SCAPER: variants seen among roughly 807,000 people sequenced by gnomAD.
SCAPER encodes S phase cyclin A-associated protein in the endoplasmic reticulum.
In SCAPER, 98 loss-of-function variants were observed where a neutral mutation model predicts 182.2. That is an observed-to-expected ratio of 0.54 (90% CI 0.46 to 0.64). The LOEUF (loss-of-function observed/expected upper bound fraction) is 0.64, where lower values mean the gene tolerates loss of function less well. Ranked by LOEUF, SCAPER falls within the 30% of genes least tolerant of loss-of-function variation. The pLI is 0.00. For missense variants in SCAPER, 1,432 were observed against 1,690.0 expected (o/e 0.85, Z 2.68); for synonymous variants, 605 against 564.6 (o/e 1.07, Z -1.01).
chr15:76,763,140 G>A (rs951248918), intron 14 of SCAPER, among the ~76,000 whole-genome samples: 7 of 152,026 alleles, frequency 4.6e-5, no homozygotes, highest in Non-Finnish European at 1.0e-4. Context: ...TTCTTCTCAG[G>A]CAAGCCTAGT....
intron 29 of SCAPER, among the ~76,000 whole-genome samples, chr15:76,357,920 C>T (rs1458355087): frequency 1.3e-5 from 2 of 151,958 alleles, no homozygotes; most frequent in African/African-American, 4.8e-5. Context: ...AGTGAAAGAA[C>T]AGAAATGGGA....
intron 1 of SCAPER, among the ~76,000 whole-genome samples, chr15:76,885,463 C>T (rs1406618460): frequency 6.6e-6 from 1 of 152,170 alleles, no homozygotes; most frequent in Non-Finnish European, 1.5e-5. Flanking sequence ...CTCAATGAGG[C>T]CTTCCCATAT....
intron 22 of SCAPER, among the ~76,000 whole-genome samples, chr15:76,590,054 C>A (rs2048990973): frequency 2.6e-5 from 4 of 152,196 alleles, no homozygotes; most frequent in Admixed American, 2.6e-4. Flanking sequence ...ATCGTAGGAG[C>A]AATCCACTTC....
intron 29 of SCAPER, among the ~76,000 whole-genome samples, chr15:76,367,402 G>A (rs1358374042): frequency 6.6e-6 from 1 of 152,188 alleles, no homozygotes; most frequent in African/African-American, 2.4e-5. Flanking sequence ...CTCCATGGCT[G>A]AAGACCAAGG....
intron 27 of SCAPER, 139 bp downstream of exon 27, chr15:76,404,385 A>C (rs892301041): frequency 2.0e-5 from 16 of 789,032 alleles, no homozygotes; most frequent in Non-Finnish European, 2.9e-5. Flanking sequence ...CAATATAGAA[A>C]GCCAATGATG....
At chr15:76,472,435 G>T (rs1029287944) in intron 24 of SCAPER, 2 of 576,572 alleles carry the variant, frequency 3.5e-6, no homozygotes, top group Non-Finnish European at 6.4e-6. Flanking sequence ...TTTTTACGAA[G>T]TTTTATAAAA....
At chr15:76,351,990 A>G (rs1399241709) in intron 30 of SCAPER, among the ~76,000 whole-genome samples, 3 of 152,246 alleles carry the variant, frequency 2.0e-5, no homozygotes, top group Non-Finnish European at 4.4e-5. Context: ...TTTGTGATCA[A>G]TATCAGATAA....
chr15:76,542,656 G>A lies in SCAPER; in HGVS notation c.2838+31502C>T, dbSNP rs923636170. Among the ~76,000 whole-genome samples the A allele has an allele frequency of 3.9e-5, 6 of 152,144 alleles. 1 individual carries two copies. The highest frequency in any genetic ancestry group is 1.4e-4 in the African/African-American group (6 of 41,558). On this transcript the variant is annotated intron_variant, in intron 23 of 31. Coordinates refer to ENST00000563290, the MANE Select transcript of SCAPER (RefSeq NM_020843.4). The stretch of plus-strand genomic sequence containing the variant: ...AACCTTCCTTAAAAAGAGAGGTGTA[G>A]GTACAGCTTAGCTTATTAAAGAAAA...
In SCAPER at chr15:76,837,090, C is replaced by T. The variant is rs140636004; in HGVS notation, c.393+4644G>A. Among the ~76,000 whole-genome samples, 133 of 152,124 alleles carry T rather than the reference C, an allele frequency of 8.7e-4. 3 individuals carry two copies. The East Asian group carries it at 0.025, about 29-fold the overall frequency. ...TCTGTACAGCAAAAGAAACAATTAA[C>T]AAAGTAAACAGACAACCCACAAGAT... is the stretch of plus-strand genomic sequence containing the variant. On this transcript the variant is annotated intron_variant, in intron 5 of 31. Coordinates refer to ENST00000563290, the MANE Select transcript of SCAPER (RefSeq NM_020843.4).
In SCAPER at chr15:76,424,522, G is replaced by T. The variant is rs889860445; in HGVS notation, c.3311+9556C>A. Among the ~76,000 whole-genome samples the T allele has an allele frequency of 1.5e-4, 23 of 152,146 alleles. 1 individual carries two copies. The highest frequency in any genetic ancestry group is 1.4e-3 in the Admixed American group (22 of 15,268). On this transcript the variant is annotated intron_variant, in intron 26 of 31. Transcript: ENST00000563290. Reference sequence around the variant, plus strand: ...TGAGCCTATGTGTGTCTCTGCACGTGAGATGGGTCTACTGAATACAGCACA... The same window carrying T: ...TGAGCCTATGTGTGTCTCTGCACGTTAGATGGGTCTACTGAATACAGCACA...
At chr15:76,497,099 T>C (rs2040621181) in intron 24 of SCAPER, among the ~76,000 whole-genome samples, 1 of 117,616 alleles carries the variant, frequency 8.5e-6, no homozygotes. Flanking sequence ...TGAAGCAGTT[T>C]TGGTCTCCTC....
At chr15:76,626,488 G>A (rs995960806) in intron 21 of SCAPER, among the ~76,000 whole-genome samples, 4 of 152,066 alleles carry the variant, frequency 2.6e-5, no homozygotes, top group Non-Finnish European at 4.4e-5. Context: ...AGGCTGAGGC[G>A]GGTGGATCAC....
intron 16 of SCAPER, among the ~76,000 whole-genome samples, chr15:76,729,269 T>C (rs1387185156): frequency 5.8e-5 from 8 of 139,092 alleles, no homozygotes; most frequent in Admixed American, 7.2e-5. Context: ...TATATATATA[T>C]ACACACACAC....
intron 20 of SCAPER, among the ~76,000 whole-genome samples, chr15:76,681,855 T>C (rs945484881): frequency 2.0e-5 from 3 of 152,150 alleles, no homozygotes; most frequent in African/African-American, 4.8e-5. Context: ...ACGTCTGCAG[T>C]AGAGCCTGGC....
intron 1 of SCAPER, among the ~76,000 whole-genome samples, chr15:76,887,736 AC>A (rs1295873238): frequency 6.6e-6 from 1 of 152,248 alleles, no homozygotes; most frequent in African/African-American, 2.4e-5. Context: ...GCATAGCTGA[AC>A]AAAAAGCAGC....
chr15:76,493,967 C>T (rs1400868058), intron 24 of SCAPER, among the ~76,000 whole-genome samples: 1 of 152,114 alleles, frequency 6.6e-6, no homozygotes, highest in Non-Finnish European at 1.5e-5. Flanking sequence ...TAATTATTCA[C>T]TTTTAGTAAA....
chr15:76,796,001 T>A (rs1207597596), intron 7 of SCAPER, among the ~76,000 whole-genome samples: 2 of 152,052 alleles, frequency 1.3e-5, no homozygotes, highest in Non-Finnish European at 2.9e-5. Flanking sequence ...GCAGAGGTTG[T>A]AGTGAGCCAA....
chr15:76,661,398 C>T (rs1481598525), intron 21 of SCAPER, among the ~76,000 whole-genome samples: 2 of 152,094 alleles, frequency 1.3e-5, no homozygotes, highest in Non-Finnish European at 1.5e-5. Flanking sequence ...AGGCAACCTA[C>T]AGAATGGGAG....
chr15:76,758,300 C>T (rs550027164), intron 14 of SCAPER, among the ~76,000 whole-genome samples: 13 of 152,160 alleles, frequency 8.5e-5, no homozygotes, highest in Non-Finnish European at 1.9e-4. Context: ...ATCTTTTTCA[C>T]GTGGATACCC....
Sources: gnomAD v4.1 joint callset for allele counts (sites outside exome capture counted in the v4.1 genomes callset) on GRCh38, gnomAD v4.1.1 for gene constraint, MANE v1.5 for transcripts, NCBI Gene and HGNC (gene_info 2026-07-23, HGNC 2026-07-21) for gene names.